Variants in CLEC2A observed in about 807,000 individuals in gnomAD.
CLEC2A encodes the protein keratinocyte-associated C-type lectin.
In CLEC2A, 19 loss-of-function variants were observed where a neutral mutation model predicts 18.6. That is an observed-to-expected ratio of 1.02 (90% CI 0.71 to 1.50). The LOEUF is 1.50. CLEC2A is among the 40% of genes most tolerant of loss of function. The probability of loss-of-function intolerance (pLI) is 0.00; values close to 1 mark genes in which losing one functional copy is unlikely to be tolerated. For missense variants in CLEC2A, 190 were observed against 207.9 expected (o/e 0.91, Z 0.53); for synonymous variants, 74 against 64.0 (o/e 1.16, Z -0.75).
At chr12:9,904,254 C>T (rs1330286369) in intron 4 of CLEC2A, among the ~76,000 whole-genome samples, 2 of 152,134 alleles carry the variant, frequency 1.3e-5, no homozygotes, top group African/African-American at 4.8e-5. Flanking sequence ...AGAGAGAGAG[C>T]TCCGCATGAT....
At chr12:9,888,549 G>T in the CLEC2A span, among the ~76,000 whole-genome samples, 90 of 152,066 alleles carry the variant, frequency 5.9e-4, no homozygotes, top group African/African-American at 2.1e-3. Context: ...ACTTAAAGGA[G>T]TAAAAACAGA....
chr12:9,883,073 T>C, the CLEC2A span, among the ~76,000 whole-genome samples: 1 of 152,280 alleles, frequency 6.6e-6, no homozygotes, highest in Middle Eastern at 3.4e-3. Context: ...GGAAAATAAA[T>C]TGGGCCAGAA....
chr12:9,901,462 A>G (rs1862828596), intron 4 of CLEC2A, among the ~76,000 whole-genome samples: 1 of 152,188 alleles, frequency 6.6e-6, no homozygotes, highest in East Asian at 1.9e-4. Context: ...GATAGCATAC[A>G]CTCAGACATT....
At chr12:9,901,004 A>T (rs561884173) in intron 4 of CLEC2A, among the ~76,000 whole-genome samples, 5 of 152,342 alleles carry the variant, frequency 3.3e-5, no homozygotes, top group African/African-American at 1.2e-4. Context: ...AACATGCTCC[A>T]GGTCTTGATT....
intron 4 of CLEC2A, among the ~76,000 whole-genome samples, chr12:9,916,037 C>G (rs1178217605): frequency 1.3e-5 from 2 of 149,518 alleles, no homozygotes; most frequent in Non-Finnish European, 3.0e-5. Context: ...ATCCAAGAAA[C>G]AATTATATAA....
chr12:9,917,428 GT>G (rs2137038861), intron 3 of CLEC2A, among the ~76,000 whole-genome samples: 1 of 152,292 alleles, frequency 6.6e-6, no homozygotes, highest in South Asian at 2.1e-4. Flanking sequence ...ACTGGAAAGT[GT>G]TTTATGTACA....
chr12:9,891,167 T>C, the CLEC2A span, among the ~76,000 whole-genome samples: 1 of 152,188 alleles, frequency 6.6e-6, no homozygotes, highest in South Asian at 2.1e-4. Flanking sequence ...AAAGATATTT[T>C]AGAAACTAAG....
chr12:9,903,552 G>C (rs1355707163), intron 4 of CLEC2A, among the ~76,000 whole-genome samples: 1 of 152,104 alleles, frequency 6.6e-6, no homozygotes, highest in Non-Finnish European at 1.5e-5. Flanking sequence ...AGTATTATTA[G>C]GTATAAAAGT....
At chr12:9,910,887 G>A (rs1001807423), downstream of CLEC2A, among the ~76,000 whole-genome samples, 1 of 152,114 alleles carries the variant, frequency 6.6e-6, no homozygotes, top group South Asian at 2.1e-4. Flanking sequence ...AGAGGAGAAA[G>A]GGTATCCCTG....
intron 2 of CLEC2A, among the ~76,000 whole-genome samples, chr12:9,924,623 C>G (rs1461314749): frequency 6.6e-6 from 1 of 152,088 alleles, no homozygotes; most frequent in Non-Finnish European, 1.5e-5. Context: ...CAAAATAAAC[C>G]CATAGAACCC....
the CLEC2A span, among the ~76,000 whole-genome samples, chr12:9,886,030 A>C: frequency 2.0e-5 from 3 of 152,144 alleles, no homozygotes; most frequent in African/African-American, 4.8e-5. Flanking sequence ...CTTGTAAATC[A>C]GTTTTCTCTT....
chr12:9,878,322 T>C, the CLEC2A span, among the ~76,000 whole-genome samples: 1 of 152,204 alleles, frequency 6.6e-6, no homozygotes, highest in Non-Finnish European at 1.5e-5. Context: ...TCAGATTTAT[T>C]GAGTATCTCA....
intron 1 of CLEC2A, among the ~76,000 whole-genome samples, chr12:9,929,819 T>C (rs1451561339): frequency 1.3e-5 from 2 of 152,178 alleles, no homozygotes; most frequent in African/African-American, 4.8e-5. Flanking sequence ...AAATTAGCTA[T>C]TTCTTGAAAG....
downstream of CLEC2A, among the ~76,000 whole-genome samples, chr12:9,894,218 G>A (rs1301531416): frequency 1.4e-5 from 2 of 144,048 alleles, no homozygotes. Flanking sequence ...GCCTTGCTCT[G>A]TGGCTCAGGC....
intron 1 of CLEC2A, among the ~76,000 whole-genome samples, chr12:9,930,894 C>T (rs921513140): frequency 7.9e-5 from 12 of 151,856 alleles, no homozygotes; most frequent in African/African-American, 2.2e-4. Flanking sequence ...TCTTAATCAG[C>T]GTCCATTCTA....
chr12:9,903,325 G>A (rs1213286825), intron 4 of CLEC2A, among the ~76,000 whole-genome samples: 2 of 152,208 alleles, frequency 1.3e-5, no homozygotes, highest in Non-Finnish European at 2.9e-5. Flanking sequence ...CTTTGTACTA[G>A]GCCTCGGGCA....
At chr12:9,921,987 T>C (rs1331633516) in intron 3 of CLEC2A, 79 bp downstream of exon 3, 3 of 1,146,506 alleles carry the variant, frequency 2.6e-6, no homozygotes, top group Non-Finnish European at 3.7e-6. Context: ...AATTGTATTA[T>C]AGTATTAGCT....
At chr12:9,918,397 T>A (rs1591792617) in intron 3 of CLEC2A, among the ~76,000 whole-genome samples, 1 of 152,350 alleles carries the variant, frequency 6.6e-6, no homozygotes, top group South Asian at 2.1e-4. Flanking sequence ...TTGTCAAAGA[T>A]CAGATGGTCG....
At chr12:9,888,755 G>A in the CLEC2A span, 1 of 1,503,980 alleles carries the variant, frequency 6.6e-7, no homozygotes, top group Non-Finnish European at 8.9e-7. Context: ...ATTTCTCCCA[G>A]AATGTAAACG....
Sources: gnomAD v4.1 joint callset for allele counts (sites outside exome capture counted in the v4.1 genomes callset) on GRCh38, gnomAD v4.1.1 for gene constraint, MANE v1.5 for transcripts, NCBI Gene and HGNC (gene_info 2026-07-23, HGNC 2026-07-21) for gene names.